Variants in PLEKHA8 observed in about 807,000 individuals in gnomAD.
The protein encoded by PLEKHA8 is pleckstrin homology domain containing A8, also known as pleckstrin homology domain-containing family A member 8.
In PLEKHA8, 36 loss-of-function variants were observed where a neutral mutation model predicts 68.2. The ratio of observed to expected loss-of-function variants is 0.53; its 90% confidence interval spans 0.40 to 0.70. PLEKHA8 has a LOEUF of 0.70. Among genes scored for constraint, PLEKHA8 ranks in the 30% least tolerant of loss-of-function variants. The pLI is 0.00. For missense variants in PLEKHA8, 505 were observed against 615.4 expected (o/e 0.82, Z 1.90); for synonymous variants, 211 against 216.1 (o/e 0.98, Z 0.20).
intron 1 of PLEKHA8, among the ~76,000 whole-genome samples, chr7:30,042,382 T>C (rs1791611622): frequency 6.6e-6 from 1 of 152,198 alleles, no homozygotes; most frequent in African/African-American, 2.4e-5. Flanking sequence ...CACTCACAAA[T>C]ACAGATGGGT....
intron 12 of PLEKHA8, among the ~76,000 whole-genome samples, chr7:30,067,496 G>T (rs1793935000): frequency 6.6e-6 from 1 of 152,112 alleles, no homozygotes; most frequent in South Asian, 2.1e-4. Flanking sequence ...AATAATTTAG[G>T]CATTTAACAA....
At chr7:30,111,637 T>C (rs1201817074) in intron 13 of PLEKHA8, among the ~76,000 whole-genome samples, 3 of 151,980 alleles carry the variant, frequency 2.0e-5, no homozygotes, top group Non-Finnish European at 4.4e-5. Flanking sequence ...TTTTTTTTTT[T>C]GAGACAGGGT....
Position 30,081,070 on chromosome 7 carries a change from C to G in PLEKHA8, c.*2283C>G, listed in dbSNP as rs1018696257. ...ACTCTGAATACACACAAAAGGAAAG[C>G]TGCTCAGCATGGCCATTTTGCATTT... On this transcript the variant is annotated 3_prime_UTR_variant, in exon 14 of 14. Transcript: ENST00000449726. 1.0e-6 allele frequency: 1 copy of G among 985,178 alleles called. No homozygotes were observed. The highest frequency in any genetic ancestry group is 1.2e-6 in the Non-Finnish European group (1 of 829,918). The allele number at this position is 985,178 out of a possible 1,614,324, so 61.0% of individuals were successfully genotyped here. A position where few individuals can be genotyped will look rare whatever the true frequency, so the allele number is the denominator to read the frequency against.
chr7:30,074,314 A>G (rs1259016242), intron 13 of PLEKHA8, among the ~76,000 whole-genome samples, 182 bp downstream of exon 13: 1 of 147,950 alleles, frequency 6.8e-6, no homozygotes, highest in African/African-American at 2.5e-5. Flanking sequence ...GAGGATAAGA[A>G]CAAAATGTTA....
Position 30,043,804 on chromosome 7 carries a change from T to C in PLEKHA8, c.41-1281T>C, listed in dbSNP as rs149283704. On this transcript the variant is annotated intron_variant, in intron 1 of 13. Transcript: ENST00000449726. Reference sequence around the variant, plus strand: ...ATTAAAACGTAATAAAGTGATACCATTGGTGTCCGGCCCACTTGGTTTGTG... The same window carrying C: ...ATTAAAACGTAATAAAGTGATACCACTGGTGTCCGGCCCACTTGGTTTGTG... 1.7e-3 allele frequency among the ~76,000 whole-genome samples: 255 copies of C among 152,210 alleles called. 3 individuals carry two copies. The highest frequency in any genetic ancestry group is 5.9e-3 in the African/African-American group (244 of 41,534).
rs1318259412 is a variant in PLEKHA8, at chr7:30,060,906, T to A, written c.1062T>A (p.Phe354Leu). The A allele has an allele frequency of 2.3e-5, 37 of 1,613,660 alleles. No homozygotes were observed. The highest frequency in any genetic ancestry group is 3.1e-5 in the Non-Finnish European group (37 of 1,179,786). The change falls in exon 10 of 14, where the codon TTT becomes TTA. Residue 354 changes from phenylalanine to leucine, a missense_variant. Coordinates refer to ENST00000449726, the MANE Select transcript of PLEKHA8 (RefSeq NM_001197026.2). The part of the protein sequence containing the change: ...PVLDKLGPTV[F>L]APVKMDLVGN... ...TAGACAAACTTGGCCCTACAGTGTT[T>A]GCTCCTGTTAAGATGGATCTTGTTG...
chr7:30,041,064 G>A (rs946231368), intron 1 of PLEKHA8, among the ~76,000 whole-genome samples: 7 of 152,122 alleles, frequency 4.6e-5, no homozygotes, highest in Admixed American at 2.6e-4. Context: ...TTTCATCCAT[G>A]CCTCTTTTCT....
downstream of PLEKHA8, among the ~76,000 whole-genome samples, chr7:30,094,780 G>GT (rs944389810): frequency 5.4e-5 from 8 of 149,182 alleles, no homozygotes; most frequent in African/African-American, 1.7e-4. Flanking sequence ...GAGGTGTTTG[G>GT]TTTTTTGTCC....
chr7:30,126,522 G>A (rs1047403744), intron 13 of PLEKHA8, among the ~76,000 whole-genome samples: 1 of 152,182 alleles, frequency 6.6e-6, no homozygotes, highest in Admixed American at 6.5e-5. Flanking sequence ...CTATAGTCTG[G>A]TTGTATAAAT....
At chr7:30,108,507 A>AT (rs1035315564) in intron 13 of PLEKHA8, among the ~76,000 whole-genome samples, 11 of 151,840 alleles carry the variant, frequency 7.2e-5, no homozygotes, top group Admixed American at 1.3e-4. Context: ...ATTTAATTTT[A>AT]TTTTTTTTAG....
rs1335213548 is a variant in PLEKHA8, at chr7:30,045,096, C to T, written c.52C>T (p.Arg18Ter). Residue 18 changes from arginine to a stop codon, truncating the protein, a stop_gained, in exon 2 of 14, where the codon CGA becomes TGA. Coordinates refer to ENST00000449726, the MANE Select transcript of PLEKHA8 (RefSeq NM_001197026.2). LOFTEE classifies it high-confidence loss of function. ...GCTTTTGTTTTCAGGTTGGCAGCCT[C>T]GATGGTTCCTTCTCTGTGGGGGAAT... ...WTNYLSGWQP[R>*]WFLLCGGILS... 2.5e-6 allele frequency: 4 copies of T among 1,602,854 alleles called. No homozygotes were observed. The highest frequency in any genetic ancestry group is 2.2e-5 in the East Asian group (1 of 44,542).
At chr7:30,043,752 G>T (rs1412824261) in intron 1 of PLEKHA8, among the ~76,000 whole-genome samples, 2 of 152,108 alleles carry the variant, frequency 1.3e-5, no homozygotes, top group Admixed American at 6.6e-5. Flanking sequence ...TGGGCTGGGG[G>T]TGCTCCAGGA....
Position 30,099,034 on chromosome 7 carries a change from G to T in PLEKHA8, c.1362+24902G>T, listed in dbSNP as rs145478029. On this transcript the variant is annotated intron_variant, in intron 13 of 13. Coordinates refer to the PLEKHA8 transcript ENST00000396257. ...GCCTCCCAAAGTTCTGGGATTACAGGTGTGAGCCACCGTGCCCAGCCTTTT... is the reference window on the plus strand; with the variant it reads ...GCCTCCCAAAGTTCTGGGATTACAGTTGTGAGCCACCGTGCCCAGCCTTTT... Among the ~76,000 whole-genome samples the T allele has an allele frequency of 8.9e-3, 1,348 of 152,312 alleles. 22 individuals carry two copies. The highest frequency in any genetic ancestry group is 0.031 in the African/African-American group (1,300 of 41,560).
At chr7:30,046,089 A>G (rs925880074) in intron 2 of PLEKHA8, 121 bp from the exon 3 acceptor site, 1 of 904,338 alleles carries the variant, frequency 1.1e-6, no homozygotes, top group Non-Finnish European at 1.6e-6. Flanking sequence ...AATGACTGGC[A>G]TCCTCTTTGG....
chr7:30,063,393 A>C (rs1793593981), intron 12 of PLEKHA8, among the ~76,000 whole-genome samples: 1 of 152,216 alleles, frequency 6.6e-6, no homozygotes, highest in Non-Finnish European at 1.5e-5. Flanking sequence ...GAAAATGTTG[A>C]GATTGGGGAG....
At chr7:30,042,186 G>A (rs1791595401) in intron 1 of PLEKHA8, among the ~76,000 whole-genome samples, 1 of 152,180 alleles carries the variant, frequency 6.6e-6, no homozygotes, top group African/African-American at 2.4e-5. Flanking sequence ...TCTTGAGCCT[G>A]CTAGCATGGA....
chr7:30,041,351 C>T (rs1323912238), intron 1 of PLEKHA8, among the ~76,000 whole-genome samples: 2 of 151,848 alleles, frequency 1.3e-5, no homozygotes, highest in African/African-American at 2.4e-5. Flanking sequence ...TATAACCTAC[C>T]CTAGGTAAAT....
exon 13 of PLEKHA8, chr7:30,090,268 C>T: frequency 1.4e-6 from 2 of 1,436,546 alleles, no homozygotes; most frequent in South Asian, 2.6e-5. Flanking sequence ...ACCAAGGGAC[C>T]TCAAACTTCC....
chr7:30,047,201 G>C (rs1792028224), intron 3 of PLEKHA8, among the ~76,000 whole-genome samples: 2 of 152,180 alleles, frequency 1.3e-5, no homozygotes, highest in South Asian at 4.1e-4. Flanking sequence ...ACTCAGAGCA[G>C]ATAGTAATGT....
Sources: gnomAD v4.1 joint callset for allele counts (sites outside exome capture counted in the v4.1 genomes callset) on GRCh38, gnomAD v4.1.1 for gene constraint, MANE v1.5 for transcripts, NCBI Gene and HGNC (gene_info 2026-07-23, HGNC 2026-07-21) for gene names.